The following SH3RF3 variants were observed in gnomAD, a reference collection of about 807,000 sequenced individuals.
The protein encoded by SH3RF3 is E3 ubiquitin-protein ligase SH3RF3.
In SH3RF3, 29 loss-of-function variants were observed where a neutral mutation model predicts 66.3. The observed-to-expected ratio is 0.44, with a 90% confidence interval of 0.33 to 0.60. The LOEUF is 0.60. SH3RF3 is among the 20% of genes least tolerant of loss of function. SH3RF3 has a pLI of 0.04. For missense variants in SH3RF3, 1,194 were observed against 1,190.9 expected, an observed-to-expected ratio of 1.00 and a Z score of -0.04; for synonymous variants, 583 against 532.0, an observed-to-expected ratio of 1.10 and a Z score of -1.32.
chr2:109,238,584 C>T (rs1156621531), intron 1 of SH3RF3, among the ~76,000 whole-genome samples: 1 of 151,544 alleles, frequency 6.6e-6, no homozygotes, highest in Non-Finnish European at 1.5e-5. Context: ...TTGGAGGGGA[C>T]ATTTTTTCAG....
chr2:109,474,437 C>G (rs558304549), intron 8 of SH3RF3, among the ~76,000 whole-genome samples: 99 of 152,280 alleles, frequency 6.5e-4, no homozygotes, highest in African/African-American at 2.3e-3. Context: ...ACTGTGGATG[C>G]AGCTCGCTAC....
chr2:109,335,485 C>G (rs969189210), intron 1 of SH3RF3, among the ~76,000 whole-genome samples: 1 of 152,196 alleles, frequency 6.6e-6, no homozygotes, highest in Non-Finnish European at 1.5e-5. Flanking sequence ...GACTAGCCCT[C>G]GCTCATCCAC....
intron 1 of SH3RF3, among the ~76,000 whole-genome samples, chr2:109,316,732 C>G (rs531627716): frequency 3.3e-5 from 5 of 152,164 alleles, no homozygotes; most frequent in Non-Finnish European, 4.4e-5. Context: ...ATCTATAATG[C>G]GATGTATCCA....
intron 8 of SH3RF3, among the ~76,000 whole-genome samples, chr2:109,479,077 C>T (rs988028955): frequency 1.1e-4 from 16 of 152,278 alleles, no homozygotes; most frequent in African/African-American, 3.6e-4. Flanking sequence ...GAACCTTGGC[C>T]GGGCTGCAGG....
At chr2:109,414,518 C>T (rs1388090688) in intron 4 of SH3RF3, among the ~76,000 whole-genome samples, 3 of 152,162 alleles carry the variant, frequency 2.0e-5, no homozygotes, top group Non-Finnish European at 2.9e-5. Context: ...CAATCAGAGG[C>T]TCACAGACGC....
At chr2:109,188,824 A>G (rs1282489770) in intron 1 of SH3RF3, among the ~76,000 whole-genome samples, 1 of 152,010 alleles carries the variant, frequency 6.6e-6, no homozygotes, top group African/African-American at 2.4e-5. Flanking sequence ...AACTGTTCCT[A>G]CTTTCTAGGG....
At chr2:109,146,020 TATGTGGGCCGACGGAGTCC>T (rs1677087954) in intron 1 of SH3RF3, among the ~76,000 whole-genome samples, 1 of 144,328 alleles carries the variant, frequency 6.9e-6, no homozygotes, top group African/African-American at 2.9e-5. Flanking sequence ...TGTCCTTGTC[TATGTGGGCCGACGGAGTCC>T]ATGCGGGCCG....
chr2:109,401,232 C>T (rs1676304429), intron 4 of SH3RF3, among the ~76,000 whole-genome samples: 1 of 152,200 alleles, frequency 6.6e-6, no homozygotes. Flanking sequence ...TCCTTGGCAA[C>T]CTGAGCAACT....
chr2:109,165,878 G>A (rs1574483178), intron 1 of SH3RF3, among the ~76,000 whole-genome samples: 1 of 152,350 alleles, frequency 6.6e-6, no homozygotes, highest in East Asian at 1.9e-4. Flanking sequence ...GCCCAGGCTG[G>A]ATGCCTGTGC....
At chr2:109,427,249 G>T (rs561541307) in intron 5 of SH3RF3, among the ~76,000 whole-genome samples, 1 of 152,156 alleles carries the variant, frequency 6.6e-6, no homozygotes, top group South Asian at 2.1e-4. Flanking sequence ...GATTACAGGC[G>T]TGAGTCACCG....
At chr2:109,246,352 T>C (rs571925646) in intron 1 of SH3RF3, among the ~76,000 whole-genome samples, 1 of 152,110 alleles carries the variant, frequency 6.6e-6, no homozygotes, top group Non-Finnish European at 1.5e-5. Flanking sequence ...TGTCCTCCCA[T>C]GGTAGAGGGG....
At chr2:109,492,471 G>A (rs372798191) in intron 9 of SH3RF3, among the ~76,000 whole-genome samples, 2 of 152,264 alleles carry the variant, frequency 1.3e-5, no homozygotes, top group Middle Eastern at 6.8e-3. Flanking sequence ...TTCTGCACAG[G>A]GGTGACGTTC....
At chr2:109,352,931 T>C (rs991035290) in intron 2 of SH3RF3, among the ~76,000 whole-genome samples, 1 of 152,238 alleles carries the variant, frequency 6.6e-6, no homozygotes, top group Non-Finnish European at 1.5e-5. Context: ...ATCTGAAGCT[T>C]TGCCAGAAAT....
intron 1 of SH3RF3, among the ~76,000 whole-genome samples, chr2:109,169,778 C>T (rs755901424): frequency 6.6e-6 from 1 of 151,710 alleles, no homozygotes; most frequent in Non-Finnish European, 1.5e-5. Flanking sequence ...ACACATGACC[C>T]CCCAAAATCA....
chr2:109,435,423 C>A (rs1476849004), intron 6 of SH3RF3, among the ~76,000 whole-genome samples: 1 of 152,260 alleles, frequency 6.6e-6, no homozygotes, highest in East Asian at 1.9e-4. Flanking sequence ...AAGGCCTACT[C>A]CTTCCTGCAT....
intron 1 of SH3RF3, among the ~76,000 whole-genome samples, chr2:109,265,347 G>T (rs1438950732): frequency 1.3e-5 from 2 of 152,160 alleles, no homozygotes; most frequent in Non-Finnish European, 2.9e-5. Flanking sequence ...CTGCAAAATG[G>T]AAGAAAAATT....
chr2:109,497,511 C>T (rs1679285414), intron 9 of SH3RF3, among the ~76,000 whole-genome samples: 1 of 152,204 alleles, frequency 6.6e-6, no homozygotes, highest in African/African-American at 2.4e-5. Context: ...GCTGTGGTTG[C>T]CATAACCTTA....
intron 1 of SH3RF3, among the ~76,000 whole-genome samples, chr2:109,163,753 G>A (rs574268964): frequency 6.6e-6 from 1 of 152,114 alleles, no homozygotes; most frequent in Non-Finnish European, 1.5e-5. Context: ...AACTGGAATC[G>A]CCATCCTGTG....
At chr2:109,259,962 A>G (rs1680311185) in intron 1 of SH3RF3, among the ~76,000 whole-genome samples, 1 of 152,144 alleles carries the variant, frequency 6.6e-6, no homozygotes, top group South Asian at 2.1e-4. Context: ...TCAGACGCCC[A>G]GGGGTTTTCT....
Sources: allele counts gnomAD v4.1 joint callset (sites outside exome capture counted in the v4.1 genomes callset), GRCh38; gene constraint gnomAD v4.1.1; transcripts MANE v1.5; gene names NCBI Gene and HGNC (gene_info 2026-07-23, HGNC 2026-07-21).